SLC2A13: variants seen among roughly 807,000 people sequenced by gnomAD.
SLC2A13 encodes solute carrier family 2 member 13.
In SLC2A13, 32 loss-of-function variants were observed where a neutral mutation model predicts 64.4. The observed-to-expected ratio is 0.50, with a 90% CI of 0.37 to 0.67. SLC2A13 has a LOEUF of 0.67. Among genes scored for constraint, SLC2A13 ranks in the 30% least tolerant of loss-of-function variants. The pLI is 0.00. For missense variants in SLC2A13, 743 were observed against 829.2 expected (o/e 0.90, Z 1.28); for synonymous variants, 338 against 327.1 (o/e 1.03, Z -0.36).
chr12:39,903,406 TA>T (rs1945188712), intron 4 of SLC2A13, among the ~76,000 whole-genome samples: 1 of 152,094 alleles, frequency 6.6e-6, no homozygotes, highest in African/African-American at 2.4e-5. Context: ...TCTTACTTGA[TA>T]GGGGTAATGG....
chr12:39,772,278 C>A (rs558211390), intron 7 of SLC2A13, among the ~76,000 whole-genome samples: 2 of 152,250 alleles, frequency 1.3e-5, no homozygotes, highest in South Asian at 4.2e-4. Context: ...GTTACTTAAC[C>A]TCTCTGTGTC....
chr12:40,027,317 TA>T (rs1052763821), intron 3 of SLC2A13, among the ~76,000 whole-genome samples: 7 of 151,962 alleles, frequency 4.6e-5, no homozygotes, highest in Admixed American at 4.6e-4. Context: ...CAAAAAGCGT[TA>T]AAAAAAATGA....
intron 1 of SLC2A13, among the ~76,000 whole-genome samples, chr12:40,052,968 A>T (rs76163024): frequency 2.1e-3 from 318 of 152,166 alleles, no homozygotes; most frequent in Non-Finnish European, 3.3e-3. Flanking sequence ...CTATGTTATC[A>T]TTTTGTCTTA....
intron 3 of SLC2A13, among the ~76,000 whole-genome samples, chr12:39,995,982 T>C (rs1591990386): frequency 6.6e-6 from 1 of 152,208 alleles, no homozygotes; most frequent in East Asian, 1.9e-4. Flanking sequence ...CAGTCTCAGG[T>C]ATGTCTTTAT....
chr12:39,934,534 A>G (rs1945885785), intron 4 of SLC2A13, among the ~76,000 whole-genome samples: 1 of 152,194 alleles, frequency 6.6e-6, no homozygotes, highest in Non-Finnish European at 1.5e-5. Flanking sequence ...TGCACTTTCT[A>G]AAGAAGGCAT....
chr12:40,028,998 C>G (rs1395500532), intron 2 of SLC2A13, among the ~76,000 whole-genome samples: 1 of 151,938 alleles, frequency 6.6e-6, no homozygotes, highest in Non-Finnish European at 1.5e-5. Context: ...TTTGTTGTTA[C>G]AATTTTCCTA....
At chr12:39,774,752 G>A (rs1940713975) in intron 7 of SLC2A13, among the ~76,000 whole-genome samples, 1 of 151,890 alleles carries the variant, frequency 6.6e-6, no homozygotes, top group African/African-American at 2.4e-5. Flanking sequence ...TAGAAATTTG[G>A]AGCAAAAAGC....
At chr12:40,029,756 G>A (rs1348517251) in intron 2 of SLC2A13, among the ~76,000 whole-genome samples, 2 of 152,148 alleles carry the variant, frequency 1.3e-5, no homozygotes, top group Non-Finnish European at 2.9e-5. Context: ...CCAGGATATG[G>A]AAAGTAAATA....
chr12:39,768,090 T>C (rs2135719011), intron 7 of SLC2A13, among the ~76,000 whole-genome samples: 1 of 152,258 alleles, frequency 6.6e-6, no homozygotes, highest in Non-Finnish European at 1.5e-5. Flanking sequence ...CAGCACTTGC[T>C]GCCTCACCTT....
chr12:39,768,415 T>C (rs1280093925), intron 7 of SLC2A13, among the ~76,000 whole-genome samples: 1 of 152,146 alleles, frequency 6.6e-6, no homozygotes, highest in Non-Finnish European at 1.5e-5. Context: ...TTTGGCTATT[T>C]GGTGCAAGAG....
rs186194854 is a variant in SLC2A13 at position 40,007,115 on chromosome 12, C to T, written c.925+21186G>A. Reference sequence around the variant, plus strand: ...GACCCAGTATAAGAATTTCTTGAAACTAATGAGCCCCTCCCACCTTTGCTC... The same window carrying T: ...GACCCAGTATAAGAATTTCTTGAAATTAATGAGCCCCTCCCACCTTTGCTC... On this transcript the variant is annotated intron_variant, in intron 3 of 9. Transcript: ENST00000280871. 1.0e-3 allele frequency among the ~76,000 whole-genome samples: 153 copies of T among 152,266 alleles called. 1 individual carries two copies. Among genetic ancestry groups the T allele is most frequent in the African/African-American group, 3.6e-3 (149 of 41,558 alleles).
chr12:39,879,258 G>T (rs1327707550), intron 4 of SLC2A13, among the ~76,000 whole-genome samples: 1 of 152,236 alleles, frequency 6.6e-6, no homozygotes, highest in Non-Finnish European at 1.5e-5. Flanking sequence ...AAGGGGAAAT[G>T]TGGGGTTGAG....
At chr12:39,764,658 A>C (rs777917951) in intron 8 of SLC2A13, 46 bp from the exon 9 acceptor site, 1 of 1,581,974 alleles carries the variant, frequency 6.3e-7, no homozygotes, top group South Asian at 1.2e-5. Context: ...GCATGTAAGA[A>C]ATTTGAAAAA....
intron 1 of SLC2A13, among the ~76,000 whole-genome samples, chr12:40,080,106 C>T (rs1938338086): frequency 6.6e-6 from 1 of 152,188 alleles, no homozygotes; most frequent in Non-Finnish European, 1.5e-5. Flanking sequence ...AGGTGATCTG[C>T]CCACCTTGGC....
chr12:39,836,323 C>T (rs1287593025), intron 6 of SLC2A13, among the ~76,000 whole-genome samples: 1 of 152,052 alleles, frequency 6.6e-6, no homozygotes, highest in African/African-American at 2.4e-5. Flanking sequence ...AGAGTCCAGG[C>T]AAGTACAGTT....
At chr12:39,993,612 T>C (rs1947175691) in intron 3 of SLC2A13, among the ~76,000 whole-genome samples, 1 of 152,256 alleles carries the variant, frequency 6.6e-6, no homozygotes. Flanking sequence ...GAAGATTACA[T>C]GTGATGTTTT....
chr12:39,905,448 T>G (rs1184291675), intron 4 of SLC2A13, among the ~76,000 whole-genome samples: 1 of 152,174 alleles, frequency 6.6e-6, no homozygotes, highest in Non-Finnish European at 1.5e-5. Flanking sequence ...AGGCTGAATG[T>G]ATCATCATGA....
At chr12:39,841,133 A>C (rs989309965) in intron 6 of SLC2A13, among the ~76,000 whole-genome samples, 1 of 152,098 alleles carries the variant, frequency 6.6e-6, no homozygotes, top group Non-Finnish European at 1.5e-5. Flanking sequence ...CTGACTCCTG[A>C]GTTAGATGCA....
chr12:39,891,595 G>A (rs959519075), intron 4 of SLC2A13, among the ~76,000 whole-genome samples: 3 of 152,138 alleles, frequency 2.0e-5, no homozygotes, highest in South Asian at 2.1e-4. Flanking sequence ...ATTAAGGCAG[G>A]AACTTGGAAA....
Sources: allele counts gnomAD v4.1 joint callset (sites outside exome capture counted in the v4.1 genomes callset), GRCh38; gene constraint gnomAD v4.1.1; transcripts MANE v1.5; gene names NCBI Gene and HGNC (gene_info 2026-07-23, HGNC 2026-07-21).